KIAA0825: variants seen among roughly 807,000 people sequenced by gnomAD.
KIAA0825 encodes uncharacterized protein KIAA0825.
Under a neutral mutation model 147.6 loss-of-function variants are expected in KIAA0825, and 119 were observed. The observed-to-expected ratio is 0.81, with a 90% CI of 0.69 to 0.94. The LOEUF (loss-of-function observed/expected upper bound fraction) is 0.94, where lower values mean the gene tolerates loss of function less well. KIAA0825 is among the 40% of genes least tolerant of loss of function. KIAA0825 has a pLI of 0.00. For synonymous variants in KIAA0825, 470 were observed against 518.1 expected, an observed-to-expected ratio of 0.91 and a Z score of 1.26; for missense variants, 1,381 against 1,472.7, an observed-to-expected ratio of 0.94 and a Z score of 1.02.
intron 20 of KIAA0825, among the ~76,000 whole-genome samples, chr5:94,299,943 C>T (rs1201752558): frequency 2.6e-5 from 4 of 151,734 alleles, no homozygotes; most frequent in African/African-American, 9.7e-5. Context: ...TTGACCAATA[C>T]AAAATTATTT....
chr5:94,182,250 C>CTTGTTTTTTTTTTTTTT (rs1769702226), intron 20 of KIAA0825, among the ~76,000 whole-genome samples: 1 of 38,276 alleles, frequency 2.6e-5, no homozygotes, highest in Non-Finnish European at 4.3e-5. Flanking sequence ...AATGTCCCTT[C>CTTGTTTTTTTTTTTTTT]TTTTTTTTTT....
At chr5:94,514,637 T>C (rs1766953405) in intron 5 of KIAA0825, among the ~76,000 whole-genome samples, 1 of 152,210 alleles carries the variant, frequency 6.6e-6, no homozygotes, top group Admixed American at 6.5e-5. Context: ...AGGGACAATA[T>C]CCAACTTTCC....
chr5:94,268,676 T>C (rs971469653), intron 20 of KIAA0825, among the ~76,000 whole-genome samples: 10 of 152,172 alleles, frequency 6.6e-5, no homozygotes, highest in Non-Finnish European at 1.5e-4. Flanking sequence ...TGCCTATCTA[T>C]TGAGTTACAC....
At chr5:94,306,334 T>G (rs1778729995) in intron 20 of KIAA0825, among the ~76,000 whole-genome samples, 1 of 151,810 alleles carries the variant, frequency 6.6e-6, no homozygotes, top group Admixed American at 6.6e-5. Flanking sequence ...TATAAAATCC[T>G]AAACTTGGTA....
intron 3 of KIAA0825, among the ~76,000 whole-genome samples, chr5:94,535,204 T>A (rs1771710848): frequency 6.6e-6 from 1 of 152,070 alleles, no homozygotes; most frequent in African/African-American, 2.4e-5. Flanking sequence ...TTAGAGCATT[T>A]ACCTTAGAAA....
At chr5:94,325,647 A>C (rs1780611136) in intron 20 of KIAA0825, among the ~76,000 whole-genome samples, 1 of 152,012 alleles carries the variant, frequency 6.6e-6, no homozygotes, top group Admixed American at 6.6e-5. Context: ...TTTATAAGAA[A>C]GTTTATACAG....
rs558990373 is a variant in KIAA0825 at position 94,443,742 on chromosome 5, T to C, written c.2358-3621A>G. On this transcript the variant is annotated intron_variant, in intron 13 of 20. Transcript: ENST00000682413. ...GGTATGTACTCATGCTGCAATAGAA[T>C]GTTTAAACAAAATCTTAGCTGTATC... 2.6e-5 allele frequency among the ~76,000 whole-genome samples: 4 copies of C among 152,318 alleles called. No homozygotes were observed. The East Asian group carries it at 7.7e-4, about 29-fold the overall frequency.
chr5:94,164,695 G>A (rs976021527), intron 20 of KIAA0825, among the ~76,000 whole-genome samples: 1 of 152,258 alleles, frequency 6.6e-6, no homozygotes, highest in Non-Finnish European at 1.5e-5. Flanking sequence ...ACAGGTGTGA[G>A]CCACACGTGC....
intron 15 of KIAA0825, among the ~76,000 whole-genome samples, chr5:94,407,413 C>T (rs549442757): frequency 9.0e-4 from 137 of 152,326 alleles, no homozygotes; most frequent in Middle Eastern, 3.4e-3. Flanking sequence ...ATACCAGCAT[C>T]ATTCATAACA....
At chr5:94,463,708 C>T (rs1760114833) in intron 11 of KIAA0825, among the ~76,000 whole-genome samples, 1 of 151,136 alleles carries the variant, frequency 6.6e-6, no homozygotes, top group Non-Finnish European at 1.5e-5. Context: ...TGCAACCACC[C>T]AGAAAATAAA....
intron 2 of KIAA0825, among the ~76,000 whole-genome samples, chr5:94,544,121 T>C (rs1773876579): frequency 6.6e-6 from 1 of 152,214 alleles, no homozygotes; most frequent in Non-Finnish European, 1.5e-5. Context: ...GGAGTCTGGA[T>C]AGGGACCTCT....
chr5:94,497,073 A>G (rs998955915), intron 5 of KIAA0825, among the ~76,000 whole-genome samples: 2 of 152,166 alleles, frequency 1.3e-5, no homozygotes, highest in Non-Finnish European at 2.9e-5. Flanking sequence ...CACATACTAT[A>G]TGGTAAGAAC....
intron 20 of KIAA0825, among the ~76,000 whole-genome samples, chr5:94,238,551 T>C (rs986189984): frequency 1.3e-5 from 2 of 152,214 alleles, no homozygotes; most frequent in African/African-American, 4.8e-5. Flanking sequence ...TTTCTAATCA[T>C]GGCTATGTCC....
intron 20 of KIAA0825, among the ~76,000 whole-genome samples, chr5:94,330,537 A>G (rs570617631): frequency 2.6e-5 from 4 of 152,298 alleles, no homozygotes; most frequent in African/African-American, 9.6e-5. Context: ...AAAACAACAT[A>G]TCAAAATTTG....
At chr5:94,483,238 C>T (rs1394911882) in intron 6 of KIAA0825, among the ~76,000 whole-genome samples, 2 of 151,864 alleles carry the variant, frequency 1.3e-5, no homozygotes, top group Non-Finnish European at 2.9e-5. Flanking sequence ...GAATAAAGTT[C>T]ACAAAACTGA....
chr5:94,462,524 C>T lies in KIAA0825; in HGVS notation c.2109G>A (p.Trp703Ter), dbSNP rs768814085. 2 of 1,540,046 alleles carry T rather than the reference C, an allele frequency of 1.3e-6. No homozygotes were observed. Among genetic ancestry groups the T allele is most frequent in the South Asian group, 2.5e-5 (2 of 81,480 alleles). Reference sequence around the variant, plus strand: ...GTTTCTGTACAGATGTACAAACTGACCATAACATGTTCTCAGTGCATATCA... The same window carrying T: ...GTTTCTGTACAGATGTACAAACTGATCATAACATGTTCTCAGTGCATATCA... ...TILICTENML[W>*]SVCTSVQKLL... The change falls in exon 12 of 21, where the codon TGG becomes TGA. Residue 703 changes from tryptophan to a stop codon, truncating the protein, a stop_gained. Coordinates refer to ENST00000682413, the MANE Select transcript of KIAA0825 (RefSeq NM_001145678.3). LOFTEE classifies it high-confidence loss of function.
At chr5:94,343,170 T>TC (rs1477811919) in intron 20 of KIAA0825, among the ~76,000 whole-genome samples, 3 of 152,192 alleles carry the variant, frequency 2.0e-5, no homozygotes, top group Non-Finnish European at 4.4e-5. Context: ...GTATCAATTA[T>TC]CTACAAATTC....
intron 20 of KIAA0825, among the ~76,000 whole-genome samples, chr5:94,190,407 G>C (rs1257802333): frequency 6.6e-6 from 1 of 151,764 alleles, no homozygotes; most frequent in Non-Finnish European, 1.5e-5. Flanking sequence ...CTCACTGCAA[G>C]CTCCTTCTCC....
At chr5:94,471,775 A>G in intron 8 of KIAA0825, 44 bp from the exon 9 acceptor site, 1 of 1,533,426 alleles carries the variant, frequency 6.5e-7, no homozygotes. Flanking sequence ...GTATTCTGAC[A>G]GCACCAAGTA....
Sources: gnomAD v4.1 joint callset for allele counts (sites outside exome capture counted in the v4.1 genomes callset) on GRCh38, gnomAD v4.1.1 for gene constraint, MANE v1.5 for transcripts, NCBI Gene and HGNC (gene_info 2026-07-23, HGNC 2026-07-21) for gene names.